ZNF679: variants seen among roughly 807,000 people sequenced by gnomAD.
ZNF679 encodes zinc finger protein 679.
Under a neutral mutation model 13.4 loss-of-function variants are expected in ZNF679, and 10 were observed. The ratio of observed to expected loss-of-function variants is 0.75; its 90% CI spans 0.46 to 1.27. The LOEUF (loss-of-function observed/expected upper bound fraction) is 1.27. Among genes scored for constraint, ZNF679 ranks in the 50% most tolerant of loss-of-function variants. ZNF679 has a pLI of 0.00. For synonymous variants in ZNF679, 179 were observed against 162.5 expected (o/e 1.10, Z -0.77); for missense variants, 525 against 477.8 (o/e 1.10, Z -0.92).
At chr7:64,246,603 A>C (rs1376492129) in intron 1 of ZNF679, among the ~76,000 whole-genome samples, 1 of 152,124 alleles carries the variant, frequency 6.6e-6, no homozygotes, top group Non-Finnish European at 1.5e-5. Flanking sequence ...TGCACCTGTA[A>C]TCCCGGCTCC....
intron 1 of ZNF679, among the ~76,000 whole-genome samples, chr7:64,233,901 C>T (rs893639626): frequency 3.9e-5 from 6 of 152,058 alleles, no homozygotes; most frequent in Middle Eastern, 3.4e-3. Context: ...GAAACAAGAA[C>T]GAAGTAAGCC....
chr7:64,260,820 TC>T lies in ZNF679; in HGVS notation c.167-13del, dbSNP rs760492921. 2.5e-6 allele frequency: 4 copies of T among 1,594,494 alleles called. No homozygotes were observed. Among genetic ancestry groups the T allele is most frequent in the Non-Finnish European group, 3.4e-6 (4 of 1,173,986 alleles). ...CAGCAAGATTTATGTTACTTTTTTT[TC>T]TTAATAAAACAGGTATTGCTGTCTC... On this transcript the variant is annotated splice_polypyrimidine_tract_variant and intron_variant, in intron 3 of 4. Transcript: ENST00000421025.
chr7:64,246,147 C>T (rs2116524515), intron 1 of ZNF679, among the ~76,000 whole-genome samples: 1 of 152,332 alleles, frequency 6.6e-6, no homozygotes, highest in East Asian at 1.9e-4. Flanking sequence ...AGTTGCACCT[C>T]AAACACGAGT....
intron 2 of ZNF679, among the ~76,000 whole-genome samples, chr7:64,253,484 C>T (rs761928026): frequency 4.2e-4 from 64 of 152,050 alleles, no homozygotes; most frequent in Non-Finnish European, 7.4e-4. Context: ...AGCTGGGGAC[C>T]CACAGGCAGA....
intron 1 of ZNF679, among the ~76,000 whole-genome samples, chr7:64,247,835 G>GCCTCTGCGCCTGGC (rs1353554179): frequency 2.6e-5 from 4 of 151,134 alleles, no homozygotes; most frequent in Non-Finnish European, 4.4e-5. Flanking sequence ...ACAACCGTGA[G>GCCTCTGCGCCTGGC]CCTCTGCGCC....
rs1026552456 is a variant in ZNF679, at chr7:64,259,162, T to C, written c.40-1059T>C. Among the ~76,000 whole-genome samples the C allele has an allele frequency of 5.3e-5, 8 of 152,278 alleles. 1 individual carries two copies. The highest frequency in any genetic ancestry group is 1.3e-4 in the Admixed American group (2 of 15,286). On this transcript the variant is annotated intron_variant, in intron 2 of 4. Coordinates refer to ENST00000421025, the MANE Select transcript of ZNF679 (RefSeq NM_153363.3). ...CCTGACATCAAGTGATCCACCCGCC[T>C]TGGCCCCACAAAGTGCTGGGATTAC...
intron 1 of ZNF679, among the ~76,000 whole-genome samples, chr7:64,236,572 G>A (rs116918974): frequency 0.03 from 4,638 of 152,092 alleles, 161 homozygotes; most frequent in East Asian, 0.16. Flanking sequence ...ATCACCTAAG[G>A]TCAGGAGTTT....
At chr7:64,265,843 A>G (rs560832580) in intron 4 of ZNF679, 53 bp from the exon 5 acceptor site, 3 of 1,555,976 alleles carry the variant, frequency 1.9e-6, no homozygotes, top group Non-Finnish European at 2.6e-6. Context: ...TTTGTAAAGT[A>G]TATCTATCTG....
chr7:64,252,105 T>C (rs1267872782), intron 2 of ZNF679, among the ~76,000 whole-genome samples: 1 of 152,196 alleles, frequency 6.6e-6, no homozygotes, highest in Non-Finnish European at 1.5e-5. Context: ...TAATTGCACC[T>C]GGGGAACTCA....
intron 1 of ZNF679, among the ~76,000 whole-genome samples, chr7:64,245,785 C>T (rs1281969539): frequency 6.6e-6 from 1 of 152,146 alleles, no homozygotes; most frequent in Non-Finnish European, 1.5e-5. Context: ...GGTGGTGGAT[C>T]AGCTGAGGTC....
chr7:64,236,975 A>AAGAAAGAAAG (rs201487010), intron 1 of ZNF679, among the ~76,000 whole-genome samples: 16 of 16,238 alleles, frequency 9.9e-4, no homozygotes, highest in South Asian at 6.5e-3. Context: ...GAAAGAAAGA[A>AAGAAAGAAAG]AAAGAAAGAA....
chr7:64,266,166 A>G lies in ZNF679; in HGVS notation c.533A>G (p.His178Arg), dbSNP rs1399466687. ...FSNSNRHKTR[H>R]TGKKHFKCKK... is the part of the protein sequence containing the mutation. The stretch of plus-strand genomic sequence containing the variant: ...AATTCCAATAGACATAAGACAAGAC[A>G]TACTGGAAAGAAACATTTCAAATGT... The change falls in exon 5 of 5, where the codon CAT becomes CGT. Residue 178 changes from histidine (H) to arginine (R), a missense_variant. His to Arg is a conservative substitution (Grantham distance 29). Coordinates refer to ENST00000421025, the MANE Select transcript of ZNF679 (RefSeq NM_153363.3). 3.1e-6 allele frequency: 5 copies of G among 1,600,128 alleles called. No homozygotes were observed. Among genetic ancestry groups the G allele is most frequent in the East Asian group, 2.3e-5 (1 of 44,352 alleles).
At position 64,231,556 on chromosome 7, in the gene ZNF679, G is replaced by A. The variant is rs554224716; in HGVS notation, c.-91+2904G>A. Among the ~76,000 whole-genome samples, 9 of 152,270 alleles carry A rather than the reference G, an allele frequency of 5.9e-5. No individual in the cohort carries two copies. The South Asian group carries it at 1.9e-3, about 32-fold the overall frequency. The stretch of plus-strand genomic sequence containing the variant: ...GCAGAGTCATGTCACATAGTTTATG[G>A]GCTCATTAATATGTCACAATCTTCA... On this transcript the variant is annotated intron_variant, in intron 1 of 4. Coordinates refer to ENST00000421025, the MANE Select transcript of ZNF679 (RefSeq NM_153363.3).
chr7:64,250,430 C>T (rs576414606), intron 2 of ZNF679, among the ~76,000 whole-genome samples: 168 of 150,464 alleles, frequency 1.1e-3, no homozygotes, highest in African/African-American at 3.3e-3. Flanking sequence ...CCACCACGCC[C>T]GGCTAATTTT....
intron 2 of ZNF679, among the ~76,000 whole-genome samples, chr7:64,255,710 G>A (rs1787996753): frequency 6.6e-6 from 1 of 151,894 alleles, no homozygotes. Context: ...CCGGGTTCAA[G>A]AGACTCTCCC....
chr7:64,256,562 A>G (rs1431686763), intron 2 of ZNF679, among the ~76,000 whole-genome samples: 1 of 104,914 alleles, frequency 9.5e-6, no homozygotes, highest in African/African-American at 3.2e-5. Flanking sequence ...TTTCTCCACA[A>G]CCTCACAAGC....
chr7:64,260,392 C>G (rs2115601621), intron 3 of ZNF679, 45 bp downstream of exon 3: 2 of 1,554,448 alleles, frequency 1.3e-6, no homozygotes, highest in Non-Finnish European at 1.7e-6. Flanking sequence ...TTTCTTTTCT[C>G]TCTTTTCTAA....
In ZNF679 at chr7:64,230,950, C is replaced by CT. The variant is rs1251468436; in HGVS notation, c.-91+2302dup. Among the ~76,000 whole-genome samples the CT allele has an allele frequency of 2.6e-5, 4 of 152,320 alleles. No homozygotes were observed. The East Asian group carries it at 7.7e-4, about 29-fold the overall frequency. ...TCACATATAAGAGTCACAGTTCCAA[C>CT]TTTTGACTGTCTCTGAGCAGAAGAT... On this transcript the variant is annotated intron_variant, in intron 1 of 4. Coordinates refer to ENST00000421025, the MANE Select transcript of ZNF679 (RefSeq NM_153363.3).
At chr7:64,248,110 G>A (rs1787892516) in intron 1 of ZNF679, among the ~76,000 whole-genome samples, 1 of 151,982 alleles carries the variant, frequency 6.6e-6, no homozygotes, top group Non-Finnish European at 1.5e-5. Flanking sequence ...AGAAGGTGAA[G>A]GGAAAGCAAG....
Sources: allele counts gnomAD v4.1 joint callset (sites outside exome capture counted in the v4.1 genomes callset), GRCh38; gene constraint gnomAD v4.1.1; transcripts MANE v1.5; gene names NCBI Gene and HGNC (gene_info 2026-07-23, HGNC 2026-07-21).